GPC5: variants seen among roughly 807,000 people sequenced by gnomAD.
The protein encoded by GPC5 is glypican-5.
GPC5 carries 47 observed loss-of-function variants against 53.9 expected under a neutral mutation model. The observed-to-expected ratio is 0.87, with a 90% CI of 0.69 to 1.11. The LOEUF (loss-of-function observed/expected upper bound fraction) is 1.11. GPC5 is among the 50% of genes most tolerant of loss of function. GPC5 has a pLI of 0.00. For missense variants in GPC5, 748 were observed against 713.1 expected (o/e 1.05, Z -0.56); for synonymous variants, 286 against 263.3 (o/e 1.09, Z -0.84).
chr13:91,819,659 G>T (rs550252574), intron 5 of GPC5, among the ~76,000 whole-genome samples: 66 of 152,100 alleles, frequency 4.3e-4, no homozygotes, highest in Non-Finnish European at 7.5e-4. Flanking sequence ...TATTGCTGAT[G>T]GATATTTGAG....
chr13:91,914,642 T>C (rs2039641010), intron 6 of GPC5, among the ~76,000 whole-genome samples: 2 of 151,570 alleles, frequency 1.3e-5, no homozygotes, highest in Non-Finnish European at 1.5e-5. Context: ...AATTATCTCT[T>C]AGTCTTTTTT....
chr13:92,426,476 G>A (rs1469969776), intron 7 of GPC5, among the ~76,000 whole-genome samples: 1 of 151,972 alleles, frequency 6.6e-6, no homozygotes, highest in African/African-American at 2.4e-5. Context: ...CTTTCTTTCA[G>A]TCTCTTTATA....
chr13:92,433,011 A>G (rs1877160382), intron 7 of GPC5, among the ~76,000 whole-genome samples: 1 of 152,180 alleles, frequency 6.6e-6, no homozygotes, highest in Non-Finnish European at 1.5e-5. Context: ...ATTTTGCAAA[A>G]TTTACTTTGA....
intron 2 of GPC5, among the ~76,000 whole-genome samples, chr13:91,575,787 G>A (rs1037212599): frequency 6.6e-6 from 1 of 152,048 alleles, no homozygotes; most frequent in Non-Finnish European, 1.5e-5. Flanking sequence ...TTTAAGTAAA[G>A]CGGCTATTTT....
chr13:91,818,068 G>C (rs924530063), intron 5 of GPC5, among the ~76,000 whole-genome samples: 1 of 152,144 alleles, frequency 6.6e-6, no homozygotes, highest in Non-Finnish European at 1.5e-5. Context: ...GGAATAAATT[G>C]TTGGGATAAA....
intron 2 of GPC5, among the ~76,000 whole-genome samples, chr13:91,458,416 C>T (rs184858693): frequency 4.6e-5 from 7 of 152,164 alleles, no homozygotes; most frequent in Admixed American, 2.6e-4. Context: ...AAACATTCCC[C>T]GCCAAGAGCT....
intron 7 of GPC5, among the ~76,000 whole-genome samples, chr13:92,191,761 G>A (rs572042109): frequency 2.0e-5 from 3 of 152,254 alleles, no homozygotes; most frequent in African/African-American, 7.2e-5. Flanking sequence ...AAGCCAGTCT[G>A]GAAAGGCTCA....
chr13:91,449,429 G>C (rs542475293), intron 2 of GPC5, among the ~76,000 whole-genome samples: 1 of 152,028 alleles, frequency 6.6e-6, no homozygotes, highest in Non-Finnish European at 1.5e-5. Context: ...CATGTGCCAT[G>C]GTGGTTTGCT....
At chr13:91,939,379 G>T (rs2039903534) in intron 6 of GPC5, among the ~76,000 whole-genome samples, 1 of 152,074 alleles carries the variant, frequency 6.6e-6, no homozygotes, top group Admixed American at 6.6e-5. Flanking sequence ...GAGAGTATTA[G>T]TTAATATATG....
chr13:92,616,884 C>T (rs1884709078), intron 7 of GPC5, among the ~76,000 whole-genome samples: 1 of 151,948 alleles, frequency 6.6e-6, no homozygotes, highest in African/African-American at 2.4e-5. Flanking sequence ...TTCTTAAACC[C>T]TCTCTAAGGC....
intron 2 of GPC5, among the ~76,000 whole-genome samples, chr13:91,542,389 T>TA (rs1225592724): frequency 6.6e-6 from 1 of 152,220 alleles, no homozygotes; most frequent in Non-Finnish European, 1.5e-5. Flanking sequence ...TCTTAGCTCA[T>TA]AAAGTCTGTT....
At chr13:91,440,630 C>A (rs762606710) in intron 1 of GPC5, among the ~76,000 whole-genome samples, 138 of 152,260 alleles carry the variant, frequency 9.1e-4, no homozygotes, top group Non-Finnish European at 1.7e-3. Context: ...GTTATATCGA[C>A]TCTTCATATG....
intron 2 of GPC5, among the ~76,000 whole-genome samples, chr13:91,593,766 A>G (rs1413644567): frequency 6.6e-6 from 1 of 152,224 alleles, no homozygotes; most frequent in Non-Finnish European, 1.5e-5. Context: ...AGTGAAAAAA[A>G]CGAATGTTTT....
At chr13:91,789,837 CT>C (rs1274625367) in intron 5 of GPC5, among the ~76,000 whole-genome samples, 9 of 152,094 alleles carry the variant, frequency 5.9e-5, no homozygotes, top group African/African-American at 2.2e-4. Flanking sequence ...GCTTGGATAG[CT>C]GCATCTGGTA....
In GPC5 at chr13:92,496,087, A is replaced by G. The variant is rs188984683; in HGVS notation, c.1561+351098A>G. 8.8e-4 allele frequency among the ~76,000 whole-genome samples: 134 copies of G among 152,184 alleles called. 1 individual carries two copies. Among genetic ancestry groups the G allele is most frequent in the African/African-American group, 3.0e-3 (123 of 41,522 alleles). On this transcript the variant is annotated intron_variant, in intron 7 of 7. Transcript: ENST00000377067. The stretch of plus-strand genomic sequence containing the variant: ...TCCCACAATGGAGTGCTTTCTGTCA[A>G]TGGAGGACCTATCTGAATTTGTAAT...
chr13:91,974,950 C>T (rs1042926310), intron 6 of GPC5, among the ~76,000 whole-genome samples: 2 of 152,080 alleles, frequency 1.3e-5, no homozygotes, highest in Non-Finnish European at 2.9e-5. Flanking sequence ...GAACAGAGCC[C>T]TCAGAAATAA....
At chr13:92,434,463 C>A (rs1877222420) in intron 7 of GPC5, among the ~76,000 whole-genome samples, 1 of 151,862 alleles carries the variant, frequency 6.6e-6, no homozygotes, top group Non-Finnish European at 1.5e-5. Context: ...AAAAAACATA[C>A]CTACCTTGAT....
intron 6 of GPC5, among the ~76,000 whole-genome samples, chr13:92,140,021 G>T (rs1002232458): frequency 6.6e-6 from 1 of 152,192 alleles, no homozygotes; most frequent in African/African-American, 2.4e-5. Context: ...ACACGTTCAA[G>T]AAAGTGGATT....
At chr13:92,350,927 C>T (rs2043472148) in intron 7 of GPC5, among the ~76,000 whole-genome samples, 1 of 151,878 alleles carries the variant, frequency 6.6e-6, no homozygotes, top group Admixed American at 6.6e-5. Flanking sequence ...ACACTGGAAA[C>T]AAGGCAATGG....
Sources: gnomAD v4.1 joint callset for allele counts (sites outside exome capture counted in the v4.1 genomes callset) on GRCh38, gnomAD v4.1.1 for gene constraint, MANE v1.5 for transcripts, NCBI Gene and HGNC (gene_info 2026-07-23, HGNC 2026-07-21) for gene names.